JAK1: variants seen among roughly 807,000 people sequenced by gnomAD.
JAK1 encodes the protein Janus kinase 1, also known as tyrosine-protein kinase JAK1.
A neutral mutation model predicts 136.6 loss-of-function variants in JAK1; 16 were observed. The observed-to-expected ratio is 0.12, with a 90% CI of 0.08 to 0.18. The LOEUF (loss-of-function observed/expected upper bound fraction) is 0.18, where lower values mean the gene tolerates loss of function less well. Ranked by LOEUF, JAK1 falls within the 10% of genes least tolerant of loss-of-function variation. The probability of loss-of-function intolerance (pLI) is 1.00; values close to 1 mark genes in which losing one functional copy is unlikely to be tolerated. For synonymous variants in JAK1, 492 were observed against 519.5 expected, an observed-to-expected ratio of 0.95 and a Z score of 0.72; for missense variants, 859 against 1,450.1, an observed-to-expected ratio of 0.59 and a Z score of 6.62.
At chr1:64,990,881 C>A (rs1322590881) in intron 2 of JAK1, 1 of 133,870 alleles carries the variant, frequency 7.5e-6, no homozygotes, top group East Asian at 2.3e-4. Flanking sequence ...GATTGCACCA[C>A]TGCATTCCAG....
intron 2 of JAK1, among the ~76,000 whole-genome samples, chr1:64,982,761 T>C (rs1646560290): frequency 6.8e-6 from 1 of 146,786 alleles, no homozygotes; most frequent in South Asian, 2.1e-4. Context: ...AGTGATAATA[T>C]TTTCTGTCTT....
chr1:64,980,572 C>CT (rs1304281414), intron 2 of JAK1, among the ~76,000 whole-genome samples: 2 of 150,306 alleles, frequency 1.3e-5, no homozygotes, highest in East Asian at 1.9e-4. Flanking sequence ...TTTTTAAACT[C>CT]TTTTTTTATA....
At chr1:64,939,351 G>C (rs1645846947) in intron 1 of JAK1, among the ~76,000 whole-genome samples, 1 of 152,114 alleles carries the variant, frequency 6.6e-6, no homozygotes. Flanking sequence ...CATAACACAG[G>C]ACAAGGAAAG....
At chr1:65,061,974 C>T (rs1405942559) in intron 1 of JAK1, among the ~76,000 whole-genome samples, 1 of 152,100 alleles carries the variant, frequency 6.6e-6, no homozygotes, top group Admixed American at 6.5e-5. Flanking sequence ...GAGGTGTCAT[C>T]ATTTTACTGA....
chr1:65,024,368 C>T lies in JAK1; in HGVS notation c.-78+20112G>A, dbSNP rs558685544. On this transcript the variant is annotated intron_variant, in intron 2 of 25. Transcript: ENST00000671954. ...CTTAATGATTAATGACGTTGAACAT[C>T]TTTTCAAGAGTTTATTGGCTACTTG... Among the ~76,000 whole-genome samples the T allele has an allele frequency of 2.0e-5, 3 of 152,196 alleles. No homozygotes were observed. In the South Asian group the frequency reaches 6.2e-4, roughly 32 times the overall value.
At chr1:65,036,523 G>A (rs779153699) in intron 2 of JAK1, among the ~76,000 whole-genome samples, 7 of 152,186 alleles carry the variant, frequency 4.6e-5, no homozygotes, top group Non-Finnish European at 7.3e-5. Flanking sequence ...GAGGGGGATT[G>A]TCTGACAACT....
At chr1:64,855,393 C>A (rs1012827822) in intron 11 of JAK1, 116 bp downstream of exon 11, 2 of 921,838 alleles carry the variant, frequency 2.2e-6, no homozygotes, top group African/African-American at 3.4e-5. Flanking sequence ...ATAAAAAACA[C>A]CTAGAAACTG....
chr1:65,031,968 T>C (rs1269724802), intron 2 of JAK1, among the ~76,000 whole-genome samples: 2 of 151,396 alleles, frequency 1.3e-5, no homozygotes, highest in Non-Finnish European at 1.5e-5. Flanking sequence ...TTTCTTTTTT[T>C]TTTTTTTTTT....
intron 1 of JAK1, among the ~76,000 whole-genome samples, chr1:64,922,085 A>G (rs1340081564): frequency 6.6e-6 from 1 of 151,816 alleles, no homozygotes; most frequent in Admixed American, 6.6e-5. Flanking sequence ...CAGTTCTTTC[A>G]GTGACAAAAA....
chr1:64,864,740 CCTCT>C, intron 8 of JAK1, 43 bp downstream of exon 8: 1 of 1,379,944 alleles, frequency 7.2e-7, no homozygotes, highest in Non-Finnish European at 1.0e-6. Context: ...AGCAATTCTC[CCTCT>C]CATCACCAGA....
intron 1 of JAK1, among the ~76,000 whole-genome samples, chr1:64,899,450 C>T (rs1254716520): frequency 6.6e-6 from 1 of 152,186 alleles, no homozygotes; most frequent in Non-Finnish European, 1.5e-5. Context: ...TAAATGCACA[C>T]ATTCAACATT....
At chr1:64,906,040 A>G (rs960255947) in intron 1 of JAK1, among the ~76,000 whole-genome samples, 2 of 152,218 alleles carry the variant, frequency 1.3e-5, no homozygotes, top group African/African-American at 4.8e-5. Context: ...GATCTCAAAT[A>G]TCCAACTACC....
chr1:64,978,062 G>A (rs1377663161), intron 2 of JAK1, among the ~76,000 whole-genome samples: 1 of 152,058 alleles, frequency 6.6e-6, no homozygotes, highest in Non-Finnish European at 1.5e-5. Flanking sequence ...GGCAGATCAT[G>A]AGGTCAAGAG....
chr1:64,927,789 A>C (rs1645607353), intron 1 of JAK1, among the ~76,000 whole-genome samples: 1 of 152,220 alleles, frequency 6.6e-6, no homozygotes, highest in Non-Finnish European at 1.5e-5. Context: ...TATAATGCAA[A>C]AGAATACAAA....
At chr1:65,047,929 G>C (rs1160646743) in intron 1 of JAK1, among the ~76,000 whole-genome samples, 1 of 152,084 alleles carries the variant, frequency 6.6e-6, no homozygotes, top group Non-Finnish European at 1.5e-5. Flanking sequence ...AAAAAAATCA[G>C]TTGTGGACAG....
intron 3 of JAK1, among the ~76,000 whole-genome samples, chr1:64,883,040 G>C (rs1644798401): frequency 6.6e-6 from 1 of 152,170 alleles, no homozygotes; most frequent in South Asian, 2.1e-4. Flanking sequence ...TAGTTCATTA[G>C]TGACGGAGCA....
At chr1:64,986,889 A>C (rs114037813) in intron 2 of JAK1, among the ~76,000 whole-genome samples, 17,459 of 149,332 alleles carry the variant, frequency 0.12, 1,787 homozygotes, top group African/African-American at 0.27. Flanking sequence ...CCCCCCACCC[A>C]AAAAAAAAAT....
At chr1:65,045,483 G>A (rs922479955) in intron 1 of JAK1, among the ~76,000 whole-genome samples, 5 of 151,964 alleles carry the variant, frequency 3.3e-5, no homozygotes, top group African/African-American at 1.2e-4. Flanking sequence ...GCATTTGTGT[G>A]GTGGGAAGCA....
intron 11 of JAK1, among the ~76,000 whole-genome samples, chr1:64,854,128 C>A (rs533177185): frequency 2.0e-5 from 3 of 152,282 alleles, no homozygotes; most frequent in Non-Finnish European, 2.9e-5. Flanking sequence ...AACACAAGTC[C>A]CTCCTCTTTC....
Sources: gnomAD v4.1 joint callset for allele counts (sites outside exome capture counted in the v4.1 genomes callset) on GRCh38, gnomAD v4.1.1 for gene constraint, MANE v1.5 for transcripts, NCBI Gene and HGNC (gene_info 2026-07-23, HGNC 2026-07-21) for gene names.